PEAK1: variants seen among roughly 807,000 people sequenced by gnomAD.
PEAK1 encodes the protein pseudopodium enriched atypical kinase 1, also known as inactive tyrosine-protein kinase PEAK1.
Under a neutral mutation model 124.7 loss-of-function variants are expected in PEAK1, and 54 were observed. The observed-to-expected ratio is 0.43, with a 90% CI of 0.35 to 0.54. The LOEUF (loss-of-function observed/expected upper bound fraction) is 0.54, where lower values mean the gene tolerates loss of function less well. Among genes scored for constraint, PEAK1 ranks in the 20% least tolerant of loss-of-function variants. The pLI, the probability that PEAK1 is intolerant of heterozygous loss-of-function variation, is 0.01. For synonymous variants in PEAK1, 719 were observed against 760.0 expected (o/e 0.95, Z 0.89); for missense variants, 2,046 against 2,134.5 (o/e 0.96, Z 0.82).
chr15:77,380,161 C>T (rs959384741), intron 1 of PEAK1, among the ~76,000 whole-genome samples: 2 of 152,106 alleles, frequency 1.3e-5, no homozygotes, highest in African/African-American at 4.8e-5. Flanking sequence ...TCCTTTTCTT[C>T]CACCAAAAGC....
chr15:77,357,960 C>T (rs2067627700), intron 2 of PEAK1, among the ~76,000 whole-genome samples: 1 of 152,168 alleles, frequency 6.6e-6, no homozygotes, highest in South Asian at 2.1e-4. Flanking sequence ...TCCCACATAG[C>T]CAAGCCAAGG....
At chr15:77,249,681 A>G (rs1455683405) in intron 6 of PEAK1, among the ~76,000 whole-genome samples, 1 of 152,112 alleles carries the variant, frequency 6.6e-6, no homozygotes, top group Non-Finnish European at 1.5e-5. Context: ...CAGTATAGAG[A>G]GATGAAGTTC....
intron 1 of PEAK1, among the ~76,000 whole-genome samples, chr15:77,376,949 T>G (rs1183198411): frequency 6.6e-6 from 1 of 152,228 alleles, no homozygotes; most frequent in Non-Finnish European, 1.5e-5. Context: ...CATCGTAGAC[T>G]GTATTTACAC....
chr15:77,267,489 G>T (rs931927361), intron 5 of PEAK1, among the ~76,000 whole-genome samples: 1 of 152,300 alleles, frequency 6.6e-6, no homozygotes, highest in East Asian at 1.9e-4. Flanking sequence ...ACCAGAGCAG[G>T]TGTTGGTATC....
chr15:77,334,161 A>G (rs2066056026), intron 2 of PEAK1: 1 of 960,790 alleles, frequency 1.0e-6, no homozygotes, highest in Middle Eastern at 5.3e-4. Context: ...GTAGTTTCCA[A>G]CTAGGTATTC....
At chr15:77,234,548 T>C (rs1310923341) in intron 6 of PEAK1, among the ~76,000 whole-genome samples, 2 of 152,116 alleles carry the variant, frequency 1.3e-5, no homozygotes, top group Admixed American at 6.5e-5. Context: ...CAATGTCCCA[T>C]TACCCAGAAA....
At chr15:77,196,766 G>A (rs2152840026) in intron 6 of PEAK1, among the ~76,000 whole-genome samples, 1 of 152,148 alleles carries the variant, frequency 6.6e-6, no homozygotes, top group South Asian at 2.1e-4. Flanking sequence ...AAACTGAGAG[G>A]TTATAATAGA....
At chr15:77,250,433 GTTTGTTT>G (rs1332865138) in intron 6 of PEAK1, among the ~76,000 whole-genome samples, 24 of 149,650 alleles carry the variant, frequency 1.6e-4, no homozygotes, top group Admixed American at 1.5e-3. Flanking sequence ...TTTTTTGTTT[GTTTGTTT>G]TTTGTTTTTT....
At chr15:77,326,034 T>C (rs1054082975) in intron 2 of PEAK1, among the ~76,000 whole-genome samples, 4 of 152,098 alleles carry the variant, frequency 2.6e-5, no homozygotes, top group South Asian at 2.1e-4. Context: ...ACCATATAGT[T>C]TGAATTTGTT....
At chr15:77,310,217 C>A (rs1347115290) in intron 2 of PEAK1, among the ~76,000 whole-genome samples, 1 of 152,064 alleles carries the variant, frequency 6.6e-6, no homozygotes, top group Non-Finnish European at 1.5e-5. Flanking sequence ...AAACTTATGG[C>A]CAAATCTGGA....
In PEAK1 at chr15:77,180,268, A is replaced by G. The variant is rs2057167788; in HGVS notation, c.1659T>C (p.Ser553=). Residue 553 remains serine, a synonymous_variant, in exon 7 of 10, where the codon AGT becomes AGC. Transcript: ENST00000682557. Reference sequence around the variant, plus strand: ...TTGGAGGAACATTTGGTCCAGTTCCACTAGTAATTAGTTCTACTTTAGGTA... The same window carrying G: ...TTGGAGGAACATTTGGTCCAGTTCCGCTAGTAATTAGTTCTACTTTAGGTA... ...QKIPKVELIT[S]GTGPNVPPRK... is the part of the protein sequence containing the mutation. The G allele has an allele frequency of 5.6e-6, 9 of 1,614,084 alleles. No individual in the cohort carries two copies. The highest frequency in any genetic ancestry group is 7.6e-6 in the Non-Finnish European group (9 of 1,180,034).
intron 2 of PEAK1, among the ~76,000 whole-genome samples, chr15:77,305,790 C>T (rs1052491967): frequency 2.4e-4 from 36 of 152,134 alleles, no homozygotes; most frequent in African/African-American, 7.7e-4. Flanking sequence ...CACATCTTCC[C>T]GCATACTTTA....
In PEAK1 at chr15:77,133,167, G is replaced by A. The variant is rs757277454; in HGVS notation, c.3915C>T (p.Cys1305=). The A allele has an allele frequency of 4.3e-5, 70 of 1,614,016 alleles. No individual in the cohort carries two copies. The South Asian group carries it at 5.6e-4, about 13-fold the overall frequency. Residue 1305 remains cysteine, a synonymous_variant, in exon 9 of 10, where the codon TGC becomes TGT. Transcript: ENST00000682557. The surrounding 1 kb of genome is among the most constrained non-coding windows in gnomAD (Gnocchi z 4.2). ...TCTGCCCAGCCATGAAAAGGTCTTCGCATTTAACAGCCAGTTTCTTCAAGG... is the reference window on the plus strand; with the variant it reads ...TCTGCCCAGCCATGAAAAGGTCTTCACATTTAACAGCCAGTTTCTTCAAGG... ...TDALKKLAVK[C]EDLFMAGQKD...
intron 1 of PEAK1, among the ~76,000 whole-genome samples, chr15:77,376,121 TAACAA>T (rs1567325176): frequency 6.6e-6 from 1 of 151,558 alleles, no homozygotes; most frequent in Admixed American, 6.6e-5. Flanking sequence ...TGAACACACA[TAACAA>T]AAAAGAAAAT....
At chr15:77,251,253 A>C (rs561112589) in intron 6 of PEAK1, among the ~76,000 whole-genome samples, 4 of 152,250 alleles carry the variant, frequency 2.6e-5, no homozygotes, top group Non-Finnish European at 5.9e-5. Flanking sequence ...AAGAGGATTT[A>C]AGAATGATAA....
intron 2 of PEAK1, among the ~76,000 whole-genome samples, chr15:77,313,692 G>GTGTGTGTGTGTGTGTGTGTGTA (rs34603921): frequency 2.0e-5 from 2 of 98,810 alleles, no homozygotes; most frequent in Non-Finnish European, 4.1e-5. Flanking sequence ...GTGTGTGTGT[G>GTGTGTGTGTGTGTGTGTGTGTA]TATATATATA....
intron 6 of PEAK1, among the ~76,000 whole-genome samples, chr15:77,221,369 T>C (rs750934109): frequency 2.0e-5 from 3 of 152,058 alleles, no homozygotes; most frequent in Non-Finnish European, 4.4e-5. Flanking sequence ...GGTGAAAGGG[T>C]AGTGCATTAA....
At chr15:77,163,768 G>A (rs968631558) in intron 7 of PEAK1, among the ~76,000 whole-genome samples, 1 of 152,124 alleles carries the variant, frequency 6.6e-6, no homozygotes, top group African/African-American at 2.4e-5. Context: ...TGGGACAAAT[G>A]TTATTCTGAA....
chr15:77,380,066 A>G (rs1204038755), intron 1 of PEAK1, among the ~76,000 whole-genome samples: 1 of 152,170 alleles, frequency 6.6e-6, no homozygotes, highest in Non-Finnish European at 1.5e-5. Context: ...AAATAAATAA[A>G]CTCAGCTTTG....
Sources: gnomAD v4.1 joint callset for allele counts (sites outside exome capture counted in the v4.1 genomes callset) on GRCh38, gnomAD v4.1.1 for gene constraint, Gnocchi (gnomAD v3.1) non-coding constraint, MANE v1.5 for transcripts, NCBI Gene and HGNC (gene_info 2026-07-23, HGNC 2026-07-21) for gene names.